The following SPTBN5 variants were observed in gnomAD, a reference collection of about 807,000 sequenced individuals.
The protein encoded by SPTBN5 is spectrin beta chain, non-erythrocytic 5.
A neutral mutation model predicts 477.6 loss-of-function variants in SPTBN5; 513 were observed. The ratio of observed to expected loss-of-function variants is 1.07; its 90% CI spans 1.00 to 1.16. SPTBN5 has a LOEUF of 1.16. Ranked by LOEUF, SPTBN5 falls within the 50% of genes most tolerant of loss-of-function variation. SPTBN5 has a pLI of 0.00. For synonymous variants in SPTBN5, 2,169 were observed against 2,011.7 expected (o/e 1.08, Z -2.09); for missense variants, 5,062 against 4,731.8 (o/e 1.07, Z -2.05).
intron 15 of SPTBN5, 104 bp from the exon 16 acceptor site, chr15:41,879,603 C>T: frequency 6.4e-7 from 1 of 1,553,298 alleles, no homozygotes; most frequent in Non-Finnish European, 8.7e-7. Context: ...GACTGGCTGT[C>T]CCTTGCCCCT....
At chr15:41,865,236 G>A (rs747368931) in intron 39 of SPTBN5, among the ~76,000 whole-genome samples, 8 of 152,204 alleles carry the variant, frequency 5.3e-5, no homozygotes, top group East Asian at 1.9e-4. Flanking sequence ...GTGAGGGGGC[G>A]GGTGTGGGGT....
In SPTBN5 at chr15:41,862,253, G is replaced by A; in HGVS notation, c.7425C>T (p.Leu2475=). The change falls in exon 44 of 68, where the codon CTC becomes CTT. Residue 2475 remains leucine (L), a synonymous_variant. Coordinates refer to ENST00000320955, the MANE Select transcript of SPTBN5 (RefSeq NM_016642.4). ...CCAGCAATTCCTGCAGCATTGCCTG[G>A]AGTTTCTGAGCTTGGTGCAAGGCAT... The part of the protein sequence containing the change: ...ALDALHQAQK[L]QAMLQELLVS... The A allele has an allele frequency of 6.2e-7, 1 of 1,610,418 alleles. No homozygotes were observed. Among genetic ancestry groups the A allele is most frequent in the African/African-American group, 1.3e-5 (1 of 75,008 alleles).
intron 17 of SPTBN5, 126 bp downstream of exon 17, chr15:41,878,216 C>T (rs1276730685): frequency 1.7e-6 from 2 of 1,183,184 alleles, no homozygotes; most frequent in African/African-American, 3.1e-5. Context: ...TGCCAGACAC[C>T]AACCAGTCTG....
chr15:41,873,841 C>T lies in SPTBN5; in HGVS notation c.4890+4G>A, dbSNP rs372414059. 2.5e-6 allele frequency: 4 copies of T among 1,609,676 alleles called. No individual in the cohort carries two copies. The African/African-American group carries it at 4.0e-5, about 16-fold the overall frequency. ...TCCCCCAACCCCACCTCTCTGCATCCTACCTGCTGGAAAGTGACAGCCTGC... is the reference window on the plus strand; with the variant it reads ...TCCCCCAACCCCACCTCTCTGCATCTTACCTGCTGGAAAGTGACAGCCTGC... On this transcript the variant is annotated splice_donor_region_variant and intron_variant, in intron 25 of 67. Coordinates refer to ENST00000320955, the MANE Select transcript of SPTBN5 (RefSeq NM_016642.4).
intron 54 of SPTBN5, 53 bp from the exon 55 acceptor site, chr15:41,855,481 G>A (rs2065906070): frequency 1.3e-6 from 2 of 1,592,356 alleles, no homozygotes; most frequent in Non-Finnish European, 1.7e-6. Context: ...CCAGGCTGGA[G>A]CAGTCTCCTG....
At chr15:41,855,989 G>A (rs2065920744) in intron 53 of SPTBN5, among the ~76,000 whole-genome samples, 1 of 152,238 alleles carries the variant, frequency 6.6e-6, no homozygotes, top group Non-Finnish European at 1.5e-5. Context: ...TTGGTTCATA[G>A]GCATAGATTT....
At chr15:41,891,811 CG>C (rs1567236146) in intron 3 of SPTBN5, among the ~76,000 whole-genome samples, 1 of 152,140 alleles carries the variant, frequency 6.6e-6, no homozygotes, top group African/African-American at 2.4e-5. Context: ...TGTGTGTTTG[CG>C]GCAACTCCGT....
At chr15:41,882,515 AG>A in intron 10 of SPTBN5, 46 bp from the exon 11 acceptor site, 5 of 1,563,396 alleles carry the variant, frequency 3.2e-6, no homozygotes, top group Non-Finnish European at 1.7e-6. Context: ...AGAACAGGGG[AG>A]GGGGCCGGGG....
chr15:41,854,887 G>T lies in SPTBN5; in HGVS notation c.9513C>A (p.Thr3171=), dbSNP rs749288262. The T allele has an allele frequency of 5.6e-6, 9 of 1,609,152 alleles. No homozygotes were observed. Among genetic ancestry groups the T allele is most frequent in the Non-Finnish European group, 6.8e-6 (8 of 1,177,702 alleles). Residue 3171 remains threonine, a synonymous_variant, in exon 56 of 68, where the codon ACC becomes ACA. Coordinates refer to ENST00000320955, the MANE Select transcript of SPTBN5 (RefSeq NM_016642.4). ...KVYALRKLAG[T]LERGAPRRYP... is the part of the protein sequence containing the mutation. Reference sequence around the variant, plus strand: ...AGCGCCTGGGTGCACCCCGCTCCAGGGTGCCTGCCAACTTCCTCAGGGCAT... The same window carrying T: ...AGCGCCTGGGTGCACCCCGCTCCAGTGTGCCTGCCAACTTCCTCAGGGCAT...
rs1209880687 is a variant in SPTBN5, at chr15:41,886,372, G to A, written c.889-6C>T. On this transcript the variant is annotated splice_region_variant and splice_polypyrimidine_tract_variant and intron_variant, in intron 6 of 67. Coordinates refer to ENST00000320955, the MANE Select transcript of SPTBN5 (RefSeq NM_016642.4). ...TCCTGGAGCTGAAGCAGGATCTGGT[G>A]GAGGGCATAGGAAGGGGTCAGGGTC... is the stretch of plus-strand genomic sequence containing the variant. The A allele has an allele frequency of 6.3e-7, 1 of 1,586,748 alleles. No homozygotes were observed. The highest frequency in any genetic ancestry group is 1.7e-5 in the Admixed American group (1 of 58,596).
chr15:41,887,507 T>A, intron 5 of SPTBN5, 66 bp from the exon 6 acceptor site: 1 of 1,253,538 alleles, frequency 8.0e-7, no homozygotes, highest in Non-Finnish European at 1.1e-6. Context: ...AGTAGATTCT[T>A]AAATGCACTC....
intron 36 of SPTBN5, 158 bp from the exon 37 acceptor site, chr15:41,866,651 T>C: frequency 2.1e-6 from 2 of 949,708 alleles, no homozygotes; most frequent in Non-Finnish European, 3.0e-6. Flanking sequence ...GGAAGGTTGC[T>C]GCAGGAGGCA....
Position 41,881,974 on chromosome 15 carries a change from G to C in SPTBN5, c.2419C>G (p.Gln807Glu), listed in dbSNP as rs551749855. 5.1e-5 allele frequency: 79 copies of C among 1,540,494 alleles called. No homozygotes were observed. The African/African-American group carries it at 9.6e-4, about 19-fold the overall frequency. ...FAAELRRLEE[Q>E]GRAASARASL... ...GCCCGGGCCGAGGCCGCCCGCCCCTGCTCCTCCAGCCGCCGCAGCTCGGCC... is the reference window on the plus strand; with the variant it reads ...GCCCGGGCCGAGGCCGCCCGCCCCTCCTCCTCCAGCCGCCGCAGCTCGGCC... Residue 807 changes from glutamine (Q) to glutamate (E), a missense_variant, in exon 12 of 68, where the codon CAG becomes GAG. Gln to Glu is a conservative substitution (Grantham distance 29). Transcript: ENST00000320955.
chr15:41,877,600 A>G (rs2066787966), intron 17 of SPTBN5, among the ~76,000 whole-genome samples: 1 of 152,220 alleles, frequency 6.6e-6, no homozygotes, highest in Admixed American at 6.5e-5. Context: ...GCACAGTGTG[A>G]GAGAGAAAAA....
In SPTBN5 at chr15:41,893,340, A is replaced by T; in HGVS notation, c.158T>A (p.Met53Lys). The change falls in exon 2 of 68, where the codon ATG becomes AAG. Residue 53 changes from methionine to lysine, a missense_variant. Coordinates refer to ENST00000320955, the MANE Select transcript of SPTBN5 (RefSeq NM_016642.4). ...GGTGAAAGTCTTCTCCTGCATCTGC[A>T]TGTGCCGGGCCTGTAGCTTGCGAAT... ...GHIRKLQARH[M>K]QMQEKTFTKW... 1 of 1,613,998 alleles carries T rather than the reference A, an allele frequency of 6.2e-7. No individual in the cohort carries two copies. The highest frequency in any genetic ancestry group is 8.5e-7 in the Non-Finnish European group (1 of 1,179,892).
rs1567203155 is a variant in SPTBN5 at position 41,867,538 on chromosome 15, C to T, written c.6312G>A (p.Lys2104=). ...FLKVLTAQDK[K]EAALRERLKT... ...CGCCCAGGCCTCCTGACTCCATTAC[C>T]TTCTTGTCCTGGGCAGTCAGAACCT... Residue 2104 remains lysine (K), a splice_region_variant and synonymous_variant, in exon 35 of 68, where the codon AAG becomes AAA. Coordinates refer to ENST00000320955, the MANE Select transcript of SPTBN5 (RefSeq NM_016642.4). 6.2e-7 allele frequency: 1 copy of T among 1,613,728 alleles called. No homozygotes were observed. Among genetic ancestry groups the T allele is most frequent in the Non-Finnish European group, 8.5e-7 (1 of 1,179,752 alleles).
chr15:41,893,248 G>T, intron 2 of SPTBN5, 34 bp downstream of exon 2: 1 of 1,612,996 alleles, frequency 6.2e-7, no homozygotes, highest in Middle Eastern at 1.7e-4. Flanking sequence ...GGCCTGGTAT[G>T]GGTGGGCTGT....
At position 41,878,470 on chromosome 15, in the gene SPTBN5, C is replaced by T; in HGVS notation, c.3342G>A (p.Leu1114=). ...RQSFLQESQQ[L]LLWAESVQAQ... ...CCTGGACACTCTCTGCCCACAGTAG[C>T]AGTTGCTGGCTCTCTTGCAGGAAGC... is the stretch of plus-strand genomic sequence containing the variant. The change falls in exon 17 of 68, where the codon CTG becomes CTA. Residue 1114 remains leucine, a synonymous_variant. Coordinates refer to ENST00000320955, the MANE Select transcript of SPTBN5 (RefSeq NM_016642.4). The T allele has an allele frequency of 1.9e-6, 3 of 1,613,612 alleles. No homozygotes were observed. The highest frequency in any genetic ancestry group is 2.5e-6 in the Non-Finnish European group (3 of 1,179,876).
In SPTBN5 at chr15:41,848,334, T is replaced by G; in HGVS notation, c.*282A>C. 1.8e-6 allele frequency: 1 copy of G among 549,908 alleles called. No homozygotes were observed. The highest frequency in any genetic ancestry group is 3.3e-6 in the Non-Finnish European group (1 of 304,980). 34.1% of individuals were successfully genotyped at this position (549,908 alleles called of 1,614,324 possible). ...CCTTCCAAGCAAGGAGGAGGCCACATGGGCCTGGGGTAGCCCTGGCCTTGC... is the reference window on the plus strand; with the variant it reads ...CCTTCCAAGCAAGGAGGAGGCCACAGGGGCCTGGGGTAGCCCTGGCCTTGC... On this transcript the variant is annotated 3_prime_UTR_variant, in exon 68 of 68. Transcript: ENST00000320955.
Sources: gnomAD v4.1 joint callset for allele counts (sites outside exome capture counted in the v4.1 genomes callset) on GRCh38, gnomAD v4.1.1 for gene constraint, MANE v1.5 for transcripts, NCBI Gene and HGNC (gene_info 2026-07-23, HGNC 2026-07-21) for gene names.